ARID1B: variants seen among roughly 807,000 people sequenced by gnomAD.
ARID1B encodes the protein AT-rich interaction domain 1B.
ARID1B carries 30 observed loss-of-function variants against 212.3 expected under a neutral mutation model. The observed-to-expected ratio is 0.14, with a 90% CI of 0.11 to 0.19. The LOEUF (loss-of-function observed/expected upper bound fraction) is 0.19. Ranked by LOEUF, ARID1B falls within the 10% of genes least tolerant of loss-of-function variation. ARID1B has a pLI of 1.00. For missense variants in ARID1B, 2,891 were observed against 3,204.0 expected (o/e 0.90, Z 2.36); for synonymous variants, 1,402 against 1,301.7 (o/e 1.08, Z -1.66).
chr6:157,173,906 A>G, intron 9 of ARID1B, 102 bp from the exon 10 acceptor site: 1 of 933,904 alleles, frequency 1.1e-6, no homozygotes, highest in Admixed American at 2.5e-5. Context: ...CTTCAAGGGA[A>G]ATGCAAGGGC....
At chr6:157,023,944 G>T (rs896290967) in intron 4 of ARID1B, 1 of 152,150 alleles carries the variant, frequency 6.6e-6, no homozygotes, top group Admixed American at 6.5e-5. Flanking sequence ...AGTTATCTCA[G>T]GTTATTTATT....
At chr6:156,991,774 T>C (rs1259128882) in intron 4 of ARID1B, among the ~76,000 whole-genome samples, 1 of 152,236 alleles carries the variant, frequency 6.6e-6, no homozygotes, top group Non-Finnish European at 1.5e-5. Context: ...TCCTGAGTTT[T>C]TTCCCAAACA....
intron 2 of ARID1B, among the ~76,000 whole-genome samples, chr6:156,861,452 T>C (rs1785325790): frequency 6.6e-6 from 1 of 151,402 alleles, no homozygotes; most frequent in Admixed American, 6.6e-5. Flanking sequence ...CTACAAAAAA[T>C]ACAAAAAAAT....
At chr6:157,131,084 ATG>A (rs1412447349) in intron 6 of ARID1B, among the ~76,000 whole-genome samples, 1 of 152,060 alleles carries the variant, frequency 6.6e-6, no homozygotes, top group Non-Finnish European at 1.5e-5. Context: ...ATGCATAAAG[ATG>A]TGTTTTCTTT....
Position 156,778,248 on chromosome 6 carries a change from C to T in ARID1B, c.568C>T (p.Gln190Ter). ...AHHLHHHHAL[Q>*]QQLNQFQQQQ... ...CCACCTCCACCACCACCACGCACTA[C>T]AGCAGCAGCTAAACCAGTTCCAGCA... is the stretch of plus-strand genomic sequence containing the variant. The change falls in exon 1 of 20, where the codon CAG becomes TAG. Residue 190 changes from glutamine to a stop codon, truncating the protein, a stop_gained. Transcript: ENST00000636930. LOFTEE classifies it high-confidence loss of function. 1 of 1,542,242 alleles carries T rather than the reference C, an allele frequency of 6.5e-7. No homozygotes were observed. Among genetic ancestry groups the T allele is most frequent in the Non-Finnish European group, 8.7e-7 (1 of 1,146,590 alleles).
intron 4 of ARID1B, among the ~76,000 whole-genome samples, chr6:156,957,296 T>C (rs1470677965): frequency 6.6e-6 from 1 of 152,196 alleles, no homozygotes; most frequent in African/African-American, 2.4e-5. Context: ...TCTATGTTTA[T>C]TGGAAACAGT....
In ARID1B at chr6:156,779,426, G is replaced by A. The variant is rs757043988; in HGVS notation, c.1746G>A (p.Pro582=). 2.7e-6 allele frequency: 4 copies of A among 1,465,806 alleles called. No homozygotes were observed. Among genetic ancestry groups the A allele is most frequent in the Non-Finnish European group, 3.6e-6 (4 of 1,106,760 alleles). 90.8% of individuals were successfully genotyped at this position (1,465,806 alleles called of 1,614,324 possible). ...CGGCCGCGCAACAAAGGAGTCACCC[G>A]GCGATGAGCCCCGGCACCCCCGGAC... ...AWAAAQQRSH[P]AMSPGTPGPT... The change falls in exon 1 of 20, where the codon CCG becomes CCA. Residue 582 remains proline, a synonymous_variant. Coordinates refer to ENST00000636930, the MANE Select transcript of ARID1B (RefSeq NM_001374828.1).
chr6:156,815,277 TGTTGA>T (rs1246319332), intron 1 of ARID1B, among the ~76,000 whole-genome samples: 1 of 152,218 alleles, frequency 6.6e-6, no homozygotes, highest in African/African-American at 2.4e-5. Flanking sequence ...AATTTTCTAC[TGTTGA>T]GTTTGTCCAT....
chr6:157,157,095 G>T (rs1562310790), intron 8 of ARID1B, among the ~76,000 whole-genome samples: 1 of 152,088 alleles, frequency 6.6e-6, no homozygotes, highest in Non-Finnish European at 1.5e-5. Flanking sequence ...CACCTAGCCT[G>T]CCCTCTTCAT....
chr6:157,200,911 G>T lies in ARID1B; in HGVS notation c.4686G>T (p.Gln1562His). 1.9e-6 allele frequency: 3 copies of T among 1,613,832 alleles called. No individual in the cohort carries two copies. The highest frequency in any genetic ancestry group is 2.5e-6 in the Non-Finnish European group (3 of 1,179,936). ...RERMQGPGQIQTHGIPPQMMG... is the reference protein window; with the variant it reads ...RERMQGPGQIHTHGIPPQMMG... ...GGATGCAGGGCCCGGGGCAGATCCA[G>T]ACACACGGAATCCCGCCTCAGATGA... Residue 1562 changes from glutamine (Q) to histidine (H), a missense_variant, in exon 18 of 20, where the codon CAG becomes CAT. Gln to His is a conservative substitution (Grantham distance 24, BLOSUM62 0). Around this residue, in one of 7 missense-constraint regions of ARID1B, gnomAD observed 666 missense variants for 873.5 expected, o/e 0.76. Transcript: ENST00000636930. This position sits in a 1 kb window ranked among gnomAD's most constrained non-coding sequence, Gnocchi z 4.3.
chr6:156,937,711 T>C (rs1792364042), intron 4 of ARID1B: 1 of 152,236 alleles, frequency 6.6e-6, no homozygotes, highest in Admixed American at 6.5e-5. Flanking sequence ...TGAAGGCATT[T>C]AGGAGATGAA....
chr6:157,102,913 TACTC>T (rs980809550), intron 5 of ARID1B, among the ~76,000 whole-genome samples: 22 of 152,138 alleles, frequency 1.4e-4, no homozygotes, highest in African/African-American at 5.3e-4. Context: ...AATGTTTCTT[TACTC>T]ACTCATATTA....
chr6:156,821,120 A>G, intron 1 of ARID1B, among the ~76,000 whole-genome samples: 1 of 152,238 alleles, frequency 6.6e-6, no homozygotes. Flanking sequence ...TTTGAAAAAC[A>G]ACCTCATCCT....
In ARID1B at chr6:157,180,027, T is replaced by C. The variant is rs375561005; in HGVS notation, c.3505-942T>C. Among the ~76,000 whole-genome samples, 10 of 152,352 alleles carry C rather than the reference T, an allele frequency of 6.6e-5. No homozygotes were observed. The East Asian group carries it at 7.7e-4, about 12-fold the overall frequency. On this transcript the variant is annotated intron_variant, in intron 11 of 19. Coordinates refer to ENST00000636930, the MANE Select transcript of ARID1B (RefSeq NM_001374828.1). Reference sequence around the variant, plus strand: ...GTAAATTATTGTTCCAAGAAATCTTTATTGAGAACTGAGAAAAGATTTTGT... The same window carrying C: ...GTAAATTATTGTTCCAAGAAATCTTCATTGAGAACTGAGAAAAGATTTTGT...
chr6:156,893,398 A>G (rs1788117025), intron 2 of ARID1B, among the ~76,000 whole-genome samples: 1 of 152,242 alleles, frequency 6.6e-6, no homozygotes, highest in South Asian at 2.1e-4. Flanking sequence ...ATATGACACC[A>G]AAAGCATAGG....
chr6:156,906,437 C>G (rs530620415), intron 3 of ARID1B, among the ~76,000 whole-genome samples: 5 of 148,134 alleles, frequency 3.4e-5, no homozygotes, highest in Non-Finnish European at 5.9e-5. Flanking sequence ...CCCAGCTACT[C>G]GGGAGGCTGA....
intron 3 of ARID1B, among the ~76,000 whole-genome samples, chr6:156,906,871 C>A (rs916536361): frequency 7.2e-5 from 11 of 152,106 alleles, no homozygotes; most frequent in Non-Finnish European, 1.2e-4. Flanking sequence ...TTCTTACATA[C>A]CTTATTTTTT....
chr6:157,000,825 C>G (rs1336733829), intron 4 of ARID1B, among the ~76,000 whole-genome samples: 1 of 151,264 alleles, frequency 6.6e-6, no homozygotes. Flanking sequence ...TCCTAAGTAG[C>G]TGGGATTACA....
At chr6:156,906,030 C>T (rs1582918484) in intron 3 of ARID1B, among the ~76,000 whole-genome samples, 1 of 152,026 alleles carries the variant, frequency 6.6e-6, no homozygotes, top group Non-Finnish European at 1.5e-5. Context: ...TAGGTGGCTG[C>T]AGGCCAGGGA....
Sources: allele counts gnomAD v4.1 joint callset (sites outside exome capture counted in the v4.1 genomes callset), GRCh38; gene constraint gnomAD v4.1.1; regional missense constraint gnomAD v4.1.1; non-coding constraint Gnocchi (gnomAD v3.1); transcripts MANE v1.5; gene names NCBI Gene and HGNC (gene_info 2026-07-23, HGNC 2026-07-21).